Variants in BRD3 observed in about 807,000 individuals in gnomAD.
BRD3 encodes the protein bromodomain containing 3.
Under a neutral mutation model 66.8 loss-of-function variants are expected in BRD3, and 17 were observed. The ratio of observed to expected loss-of-function variants is 0.25; its 90% CI spans 0.17 to 0.38. The LOEUF is 0.38. Among genes scored for constraint, BRD3 ranks in the 10% least tolerant of loss-of-function variants. The probability of loss-of-function intolerance (pLI) is 1.00; values close to 1 mark genes in which losing one functional copy is unlikely to be tolerated. For synonymous variants in BRD3, 421 were observed against 393.2 expected, an observed-to-expected ratio of 1.07 and a Z score of -0.84; for missense variants, 713 against 956.1, an observed-to-expected ratio of 0.75 and a Z score of 3.35.
At position 134,052,298 on chromosome 9, in the gene BRD3, C is replaced by A. The variant is rs1830323023; in HGVS notation, c.351+8G>T. ...TGCAAGCGGCGTGCCAGGCCCGCAT[C>A]TTCTTACCTTGTTATAAATGTAACA... On this transcript the variant is annotated splice_region_variant and intron_variant, in intron 3 of 11. Transcript: ENST00000303407. 1.2e-6 allele frequency: 2 copies of A among 1,611,738 alleles called. No homozygotes were observed. The highest frequency in any genetic ancestry group is 2.7e-5 in the African/African-American group (2 of 74,862).
chr9:134,052,534 G>T, intron 2 of BRD3, 91 bp from the exon 3 acceptor site: 2 of 1,410,416 alleles, frequency 1.4e-6, no homozygotes, highest in Non-Finnish European at 9.7e-7. Context: ...CTTCCCAAGT[G>T]GACTGAGGAC....
Position 134,036,717 on chromosome 9 carries a change from A to G in BRD3, c.1644-393T>C, listed in dbSNP as rs1351094793. On this transcript the variant is annotated intron_variant, in intron 9 of 11. Transcript: ENST00000303407. ...TATATCAATAATTATGTGAAATATAAACGGTCTAGGGCCGGGCGCGGTGGC... is the reference window on the plus strand; with the variant it reads ...TATATCAATAATTATGTGAAATATAGACGGTCTAGGGCCGGGCGCGGTGGC... 3.3e-6 allele frequency: 3 copies of G among 920,622 alleles called. No individual in the cohort carries two copies. The African/African-American group carries it at 5.0e-5, about 15-fold the overall frequency. 57.0% of individuals were successfully genotyped at this position (920,622 alleles called of 1,614,324 possible).
intron 9 of BRD3, among the ~76,000 whole-genome samples, chr9:134,038,336 A>C (rs1268694169): frequency 1.3e-5 from 2 of 152,116 alleles, no homozygotes; most frequent in African/African-American, 4.8e-5. Flanking sequence ...TTCTGTTCTT[A>C]GTAGAGACAG....
At chr9:134,060,970 G>A (rs1404883886) in intron 1 of BRD3, among the ~76,000 whole-genome samples, 1 of 152,232 alleles carries the variant, frequency 6.6e-6, no homozygotes, top group Non-Finnish European at 1.5e-5. Context: ...GAATTCATCA[G>A]AAAAGATGCT....
intron 7 of BRD3, among the ~76,000 whole-genome samples, chr9:134,044,261 T>C (rs899640818): frequency 3.3e-5 from 5 of 152,140 alleles, no homozygotes; most frequent in African/African-American, 1.2e-4. Flanking sequence ...ATGGCAGCAG[T>C]GCCTGGGAGA....
Position 134,053,406 on chromosome 9 carries a change from CG to C in BRD3, c.71del (p.Pro24ArgfsTer24), listed in dbSNP as rs763134487. The C allele has an allele frequency of 6.2e-5, 51 of 822,338 alleles. No individual in the cohort carries two copies. Among genetic ancestry groups the C allele is most frequent in the East Asian group, 4.6e-5 (1 of 21,802 alleles). 50.9% of individuals were successfully genotyped at this position (822,338 alleles called of 1,614,324 possible). On this transcript the variant is annotated frameshift_variant, in exon 2 of 12. Coordinates refer to ENST00000303407, the MANE Select transcript of BRD3 (RefSeq NM_007371.4). LOFTEE classifies it high-confidence loss of function. ...CGGGCTTGCTGGGGTTGGAGACCTC[CG>C]GGGGGGGTGGGTTCACAGGGCCCGG... ...ATPGPVNPPPPEVSNPSKPGR... is the reference protein window; with the variant it reads ...ATPGPVNPPPXEVSNPSKPGR...
At chr9:134,050,267 C>T (rs1224045824) in intron 5 of BRD3, 107 bp downstream of exon 5, 2 of 1,002,178 alleles carry the variant, frequency 2.0e-6, no homozygotes, top group East Asian at 5.1e-5. Context: ...CTCCCAAGAG[C>T]CAGCACTCAG....
At position 134,048,243 on chromosome 9, in the gene BRD3, G is replaced by A. The variant is rs1440535498; in HGVS notation, c.926C>T (p.Ser309Leu). The A allele has an allele frequency of 1.2e-5, 19 of 1,611,916 alleles. No individual in the cohort carries two copies. Among genetic ancestry groups the A allele is most frequent in the Non-Finnish European group, 1.6e-5 (19 of 1,179,590 alleles). ...PQHAGKKGKLSEHLRYCDSIL... is the reference protein window; with the variant it reads ...PQHAGKKGKLLEHLRYCDSIL... ...GCTGTCGCAGTAGCGTAGGTGCTCC[G>A]ACAGCTTGCCCTTCTTGCCTGCGTG... is the stretch of plus-strand genomic sequence containing the variant. The change falls in exon 6 of 12, where the codon TCG (serine) becomes TTG (leucine). Residue 309 changes from serine to leucine, a missense_variant. Around this residue, in one of 5 missense-constraint regions of BRD3, gnomAD observed 418 missense variants for 609.3 expected, o/e 0.69. Coordinates refer to ENST00000303407, the MANE Select transcript of BRD3 (RefSeq NM_007371.4).
intron 4 of BRD3, 55 bp downstream of exon 4, chr9:134,051,504 TCCA>T: frequency 6.9e-7 from 1 of 1,451,386 alleles, no homozygotes; most frequent in Non-Finnish European, 9.0e-7. Flanking sequence ...TCCCAGCCCA[TCCA>T]CCCGTGGGCC....
In BRD3 at chr9:134,048,277, C is replaced by T; in HGVS notation, c.892G>A (p.Val298Met). Reference protein sequence around the residue: ...PPKKDLEDGEVPQHAGKKGKL... With the variant: ...PPKKDLEDGEMPQHAGKKGKL... ...CCCTTCTTGCCTGCGTGCTGGGGCA[C>T]CTCGCCGTCCTCCAGGTCCTTCTTG... Residue 298 changes from valine (V) to methionine (M), a missense_variant, in exon 6 of 12, where the codon GTG becomes ATG. Physicochemically the swap from Val to Met is conservative, Grantham distance 21. Transcript: ENST00000303407. The T allele has an allele frequency of 1.9e-6, 3 of 1,607,042 alleles. No individual in the cohort carries two copies. The highest frequency in any genetic ancestry group is 1.1e-5 in the South Asian group (1 of 90,882).
chr9:134,064,337 G>A lies in BRD3; in HGVS notation c.-114+3608C>T, dbSNP rs188860810. Among the ~76,000 whole-genome samples the A allele has an allele frequency of 7.0e-4, 106 of 151,910 alleles. 2 individuals are homozygous for A. The highest frequency in any genetic ancestry group is 2.5e-3 in the African/African-American group (104 of 41,382). ...GAGGTCAGGAGTTCAAGACCAGCCCGGCCAACATGGCGAAACCCCATCTTT... is the reference window on the plus strand; with the variant it reads ...GAGGTCAGGAGTTCAAGACCAGCCCAGCCAACATGGCGAAACCCCATCTTT... On this transcript the variant is annotated intron_variant, in intron 1 of 11. Coordinates refer to ENST00000303407, the MANE Select transcript of BRD3 (RefSeq NM_007371.4).
intron 7 of BRD3, among the ~76,000 whole-genome samples, chr9:134,044,233 T>G (rs1041295608): frequency 6.6e-6 from 1 of 152,148 alleles, no homozygotes; most frequent in African/African-American, 2.4e-5. Context: ...CAGGACCCAG[T>G]GCACAGAGAG....
At chr9:134,042,680 C>T (rs796852467) in intron 7 of BRD3, among the ~76,000 whole-genome samples, 103 of 136,538 alleles carry the variant, frequency 7.5e-4, no homozygotes, top group African/African-American at 2.4e-3. Flanking sequence ...CATATATATA[C>T]ACACACACAC....
intron 2 of BRD3, 41 bp downstream of exon 2, chr9:134,053,221 GGCA>G (rs746823092): frequency 1.2e-6 from 2 of 1,600,278 alleles, no homozygotes; most frequent in African/African-American, 1.3e-5. Context: ...GACAGAGGAC[GGCA>G]GCAGCAGAAC....
chr9:134,040,853 AG>A (rs1470082561), intron 8 of BRD3, among the ~76,000 whole-genome samples: 2 of 152,364 alleles, frequency 1.3e-5, no homozygotes, highest in African/African-American at 4.8e-5. Flanking sequence ...GCATTAATCC[AG>A]GGCCTCCCTG....
chr9:134,035,036 C>T (rs1190300376), intron 10 of BRD3, among the ~76,000 whole-genome samples: 10 of 152,230 alleles, frequency 6.6e-5, no homozygotes, highest in Non-Finnish European at 1.3e-4. Context: ...GACCCACCAC[C>T]ACCCACATCT....
chr9:134,040,294 A>T, intron 8 of BRD3, 25 bp from the exon 9 acceptor site: 1 of 1,580,294 alleles, frequency 6.3e-7, no homozygotes, highest in Non-Finnish European at 8.6e-7. Context: ...GCGGCTGAGC[A>T]GGTGCTGGGC....
chr9:134,040,138 C>T lies in BRD3; in HGVS notation c.1539G>A (p.Val513=), dbSNP rs778945858. The change falls in exon 9 of 12, where the codon GTG becomes GTA. Residue 513 remains valine (V), a synonymous_variant. Transcript: ENST00000303407. The part of the protein sequence containing the change: ...DKEKEKEKHK[V]KAEEEKKAKV... ...TGGCCTTCTTCTCTTCCTCGGCCTT[C>T]ACTTTGTGCTTCTCCTTCTCCTTCT... 9 of 1,566,104 alleles carry T rather than the reference C, an allele frequency of 5.7e-6. No homozygotes were observed. In the East Asian group the frequency reaches 2.1e-4, roughly 37 times the overall value.
intron 1 of BRD3, among the ~76,000 whole-genome samples, chr9:134,066,906 G>C (rs1174815721): frequency 6.6e-6 from 1 of 152,200 alleles, no homozygotes; most frequent in Non-Finnish European, 1.5e-5. Context: ...TGGACGCCGG[G>C]TCCCTGCCCC....
Sources: gnomAD v4.1 joint callset for allele counts (sites outside exome capture counted in the v4.1 genomes callset) on GRCh38, gnomAD v4.1.1 for gene constraint, gnomAD v4.1.1 regional missense constraint, MANE v1.5 for transcripts, NCBI Gene and HGNC (gene_info 2026-07-23, HGNC 2026-07-21) for gene names.